Variants in CDKN2B-AS1 observed in about 807,000 individuals in gnomAD.
CDKN2B-AS1 encodes the protein CDKN2B antisense RNA 1 (non-protein coding).
chr9:22,077,893 A>T (rs1349289912), intron 4 of CDKN2B-AS1: 1 of 152,218 alleles, frequency 6.6e-6, no homozygotes, highest in Non-Finnish European at 1.5e-5. Context: ...TAAACAATAG[A>T]TCTCTGTGGC....
At chr9:22,081,280 T>C (rs1237247267) in intron 4 of CDKN2B-AS1, among the ~76,000 whole-genome samples, 4 of 151,520 alleles carry the variant, frequency 2.6e-5, no homozygotes, top group African/African-American at 9.7e-5. Flanking sequence ...TTTAGCTTTT[T>C]TTTTTTTTTT....
At chr9:22,100,404 T>C (rs1200961566) in intron 4 of CDKN2B-AS1, among the ~76,000 whole-genome samples, 1 of 152,228 alleles carries the variant, frequency 6.6e-6, no homozygotes, top group Non-Finnish European at 1.5e-5. Flanking sequence ...AATGGAATCA[T>C]ACAAAAGGTG....
chr9:22,020,595 C>T (rs1421167871), intron 1 of CDKN2B-AS1, among the ~76,000 whole-genome samples: 1 of 152,110 alleles, frequency 6.6e-6, no homozygotes, highest in South Asian at 2.1e-4. Context: ...GATAGTATCT[C>T]ATTGTGGTTT....
At chr9:22,024,442 ACTGT>A in intron 1 of CDKN2B-AS1, among the ~76,000 whole-genome samples, 1 of 152,266 alleles carries the variant, frequency 6.6e-6, no homozygotes. Flanking sequence ...CCTGCTATAG[ACTGT>A]CTGTGCTTTT....
chr9:22,059,638 C>G (rs1258676973), intron 4 of CDKN2B-AS1, among the ~76,000 whole-genome samples: 1 of 152,252 alleles, frequency 6.6e-6, no homozygotes, highest in East Asian at 1.9e-4. Context: ...CTTCTCACAG[C>G]TCCACTAGGC....
chr9:22,049,657 G>A (rs10811645), intron 3 of CDKN2B-AS1, among the ~76,000 whole-genome samples: 90,099 of 151,958 alleles, frequency 0.59, 27,892 homozygotes, highest in East Asian at 0.87. Flanking sequence ...TCAGAGAGCT[G>A]GGATGACTCA....
chr9:22,038,006 C>G (rs1822756130), intron 1 of CDKN2B-AS1, among the ~76,000 whole-genome samples: 1 of 151,980 alleles, frequency 6.6e-6, no homozygotes, highest in Non-Finnish European at 1.5e-5. Context: ...CAGTCTTGCA[C>G]AAGTGCTTTG....
At chr9:22,054,738 T>C (rs1823486482) in intron 3 of CDKN2B-AS1, among the ~76,000 whole-genome samples, 2 of 150,982 alleles carry the variant, frequency 1.3e-5, no homozygotes, top group Admixed American at 1.3e-4. Context: ...TTTTTTATTT[T>C]ATAAGCCTTT....
At chr9:22,070,480 C>G (rs2131313832) in intron 4 of CDKN2B-AS1, among the ~76,000 whole-genome samples, 1 of 152,284 alleles carries the variant, frequency 6.6e-6, no homozygotes, top group East Asian at 1.9e-4. Context: ...ATTGAGTGGT[C>G]AATTTCACTT....
chr9:22,025,149 G>A (rs567897582), intron 1 of CDKN2B-AS1, among the ~76,000 whole-genome samples: 1 of 152,256 alleles, frequency 6.6e-6, no homozygotes, highest in South Asian at 2.1e-4. Context: ...TTGTCTCTTG[G>A]GGGCTCCACC....
chr9:22,108,980 GT>G (rs1490719409), intron 4 of CDKN2B-AS1, among the ~76,000 whole-genome samples: 4 of 152,140 alleles, frequency 2.6e-5, no homozygotes, highest in African/African-American at 9.7e-5. Flanking sequence ...TGAAAACATA[GT>G]TTGATAATCT....
chr9:22,043,825 A>G (rs943175034), intron 1 of CDKN2B-AS1, among the ~76,000 whole-genome samples: 1 of 152,006 alleles, frequency 6.6e-6, no homozygotes, highest in African/African-American at 2.4e-5. Context: ...ATATGTTACT[A>G]CTAAATTATT....
At chr9:22,093,158 T>G (rs993549629) in intron 4 of CDKN2B-AS1, among the ~76,000 whole-genome samples, 17 of 149,372 alleles carry the variant, frequency 1.1e-4, no homozygotes, top group Non-Finnish European at 2.4e-4. Context: ...TAATCTTGAG[T>G]TCTAGTTTGC....
intron 4 of CDKN2B-AS1, among the ~76,000 whole-genome samples, chr9:22,089,461 A>G (rs1360607281): frequency 6.6e-6 from 1 of 152,012 alleles, no homozygotes; most frequent in East Asian, 1.9e-4. Context: ...AAAGGGTCTC[A>G]CTCTGTCACC....
At chr9:22,047,412 C>A (rs1823152190) in intron 2 of CDKN2B-AS1, among the ~76,000 whole-genome samples, 1 of 152,150 alleles carries the variant, frequency 6.6e-6, no homozygotes, top group South Asian at 2.1e-4. Flanking sequence ...TAATTTCAAC[C>A]TGAGCATTAA....
intron 4 of CDKN2B-AS1, chr9:22,059,130 C>G (rs1164246623): frequency 6.6e-6 from 1 of 152,298 alleles, no homozygotes; most frequent in African/African-American, 2.4e-5. Flanking sequence ...CCTCACATTT[C>G]CAAACCAACC....
chr9:22,045,723 G>T (rs1032761089), intron 1 of CDKN2B-AS1, among the ~76,000 whole-genome samples: 2 of 151,950 alleles, frequency 1.3e-5, no homozygotes, highest in Non-Finnish European at 2.9e-5. Context: ...AACCTTGGGG[G>T]TCATATTCTT....
intron 4 of CDKN2B-AS1, among the ~76,000 whole-genome samples, chr9:22,071,009 G>T (rs1310246658): frequency 6.6e-6 from 1 of 152,008 alleles, no homozygotes; most frequent in Non-Finnish European, 1.5e-5. Context: ...GGAAGATTAG[G>T]TCCTGGTGAT....
In CDKN2B-AS1 at chr9:22,005,982, T is replaced by C. The variant is rs764571136; in HGVS notation, n.29+10821T>C. On this transcript the variant is annotated intron_variant and non_coding_transcript_variant, in intron 1 of 4. Coordinates refer to ENST00000650946, the Ensembl canonical transcript of CDKN2B-AS1. The surrounding 1 kb of genome is among the most constrained non-coding windows in gnomAD (Gnocchi z 4.9). Reference sequence around the variant, plus strand: ...AGTCGTTGTGGGCGGCTGGGGAACCTGGCGTCAGTCCCCCGTGGCTGTGCG... The same window carrying C: ...AGTCGTTGTGGGCGGCTGGGGAACCCGGCGTCAGTCCCCCGTGGCTGTGCG... 1 of 1,601,154 alleles carries C rather than the reference T, an allele frequency of 6.2e-7. No individual in the cohort carries two copies. The highest frequency in any genetic ancestry group is 1.3e-5 in the African/African-American group (1 of 74,912).
Sources: gnomAD v4.1 joint callset for allele counts (sites outside exome capture counted in the v4.1 genomes callset) on GRCh38, gnomAD v4.1.1 for gene constraint, Gnocchi (gnomAD v3.1) non-coding constraint, MANE v1.5 for transcripts, NCBI Gene and HGNC (gene_info 2026-07-23, HGNC 2026-07-21) for gene names.